GAK: variants seen among roughly 807,000 people sequenced by gnomAD.
GAK encodes cyclin G associated kinase.
In GAK, 79 loss-of-function variants were observed where a neutral mutation model predicts 143.9. The ratio of observed to expected loss-of-function variants is 0.55; its 90% CI spans 0.46 to 0.66. The LOEUF is 0.66. Among genes scored for constraint, GAK ranks in the 30% least tolerant of loss-of-function variants. The pLI is 0.00. For synonymous variants in GAK, 881 were observed against 765.5 expected, an observed-to-expected ratio of 1.15 and a Z score of -2.49; for missense variants, 1,693 against 1,779.7, an observed-to-expected ratio of 0.95 and a Z score of 0.88.
chr4:881,244 C>T (rs1035399617), intron 15 of GAK, among the ~76,000 whole-genome samples: 2 of 152,222 alleles, frequency 1.3e-5, no homozygotes, highest in Non-Finnish European at 2.9e-5. Context: ...GGGCCCTAAC[C>T]CTTGGGGCCT....
rs764464574 is a variant in GAK, at chr4:849,915, C to G, written c.3811G>C (p.Val1271Leu). The part of the protein sequence containing the change: ...EQVKKHYRRA[V>L]LAVHPDKAAG... ...ACCTTGTCGGGGTGCACAGCCAGCA[C>G]CGCGCGGCGATAGTGCTTCTTCACT... Residue 1271 changes from valine to leucine, a missense_variant, in exon 27 of 28, where the codon GTG becomes CTG. Val to Leu is a conservative substitution (Grantham distance 32, BLOSUM62 1). Coordinates refer to ENST00000314167, the MANE Select transcript of GAK (RefSeq NM_005255.4). The G allele has an allele frequency of 3.1e-6, 5 of 1,609,294 alleles. No individual in the cohort carries two copies. In the Admixed American group the frequency reaches 5.0e-5, roughly 16 times the overall value.
chr4:877,544 G>T, intron 16 of GAK, 71 bp downstream of exon 16: 1 of 1,467,136 alleles, frequency 6.8e-7, no homozygotes, highest in South Asian at 1.4e-5. Context: ...GCAAGGCCAG[G>T]GTTCCTCTTT....
intron 1 of GAK, among the ~76,000 whole-genome samples, chr4:918,703 A>G (rs1404898160): frequency 6.6e-6 from 1 of 152,272 alleles, no homozygotes; most frequent in South Asian, 2.1e-4. Context: ...GAGGAACTAA[A>G]ACTCCTCTCA....
intron 15 of GAK, among the ~76,000 whole-genome samples, chr4:879,179 AGCAATGACTAGTAC>A (rs1433243612): frequency 1.3e-5 from 2 of 152,148 alleles, no homozygotes; most frequent in Non-Finnish European, 2.9e-5. Context: ...CGGGTCATGT[AGCAATGACTAGTAC>A]GCTCTTCCCC....
At chr4:861,371 C>T (rs995635175) in intron 23 of GAK, among the ~76,000 whole-genome samples, 1 of 152,194 alleles carries the variant, frequency 6.6e-6, no homozygotes, top group Non-Finnish European at 1.5e-5. Flanking sequence ...AAGGAGGGTG[C>T]TTGAGCCCAG....
At chr4:893,746 T>C in intron 8 of GAK, 128 bp downstream of exon 8, 2 of 1,187,152 alleles carry the variant, frequency 1.7e-6, no homozygotes, top group African/African-American at 3.1e-5. Flanking sequence ...AGGGATGTTG[T>C]CAAAACTATG....
intron 23 of GAK, 84 bp from the exon 24 acceptor site, chr4:859,806 C>T (rs1020130695): frequency 1.5e-5 from 14 of 950,562 alleles, no homozygotes; most frequent in Middle Eastern, 2.3e-4. Context: ...CGCCTCCTTA[C>T]GACATGACAG....
chr4:905,459 CCGCCACGCCCCA>C (rs1720894623), intron 4 of GAK, among the ~76,000 whole-genome samples: 5 of 142,856 alleles, frequency 3.5e-5, no homozygotes, highest in Admixed American at 1.4e-4. Flanking sequence ...GCTAGGGGCT[CCGCCACGCCCCA>C]TGCCATGCTA....
intron 8 of GAK, 66 bp downstream of exon 8, chr4:893,808 C>T: frequency 6.7e-7 from 1 of 1,493,982 alleles, no homozygotes; most frequent in Non-Finnish European, 9.0e-7. Context: ...GGAGCGGGGT[C>T]TCCAGAGCCA....
intron 1 of GAK, among the ~76,000 whole-genome samples, chr4:930,936 C>T (rs974357677): frequency 1.3e-5 from 2 of 152,202 alleles, no homozygotes; most frequent in Non-Finnish European, 2.9e-5. Flanking sequence ...ACCCTCCAGC[C>T]CTGAGAGGTA....
At chr4:924,899 T>A (rs1258685798) in intron 1 of GAK, among the ~76,000 whole-genome samples, 1 of 150,600 alleles carries the variant, frequency 6.6e-6, no homozygotes, top group Non-Finnish European at 1.5e-5. Context: ...GGTGGTGGAG[T>A]TCCCCCAGGG....
Position 867,011 on chromosome 4 carries a change from G to A in GAK, c.2817C>T (p.Ser939=). Residue 939 remains serine, a synonymous_variant, in exon 21 of 28, where the codon AGC becomes AGT. Transcript: ENST00000314167. ...LLSEDPLLLA[S]PAPPLSVQST... is the part of the protein sequence containing the mutation. ...TCTGCACGCTCAGGGGAGGGGCCGG[G>A]CTTGCCAGGAGCAGCGGGTCCTCGC... 2 of 1,501,254 alleles carry A rather than the reference G, an allele frequency of 1.3e-6. No individual in the cohort carries two copies. The highest frequency in any genetic ancestry group is 1.4e-5 in the South Asian group (1 of 73,756). 93.0% of individuals were successfully genotyped at this position (1,501,254 alleles called of 1,614,324 possible).
rs552265772 is a variant in GAK, at chr4:883,322, T to C, written c.1397A>G (p.His466Arg). ...SPRTYRPSRF[H>R]NRVSECGWAA... is the part of the protein sequence containing the mutation. ...AAGCCTGTGGCCACACACCCGGTTG[T>C]GGAACCTGGAGGGCCGGTAGGTCCT... Residue 466 changes from histidine (H) to arginine (R), a missense_variant, in exon 13 of 28, where the codon CAC becomes CGC. Coordinates refer to ENST00000314167, the MANE Select transcript of GAK (RefSeq NM_005255.4). 1 of 1,613,260 alleles carries C rather than the reference T, an allele frequency of 6.2e-7. No individual in the cohort carries two copies. The highest frequency in any genetic ancestry group is 2.2e-5 in the East Asian group (1 of 44,862).
chr4:916,893 C>T (rs115906310), intron 1 of GAK, among the ~76,000 whole-genome samples: 6 of 152,368 alleles, frequency 3.9e-5, no homozygotes, highest in Non-Finnish European at 7.3e-5. Context: ...GACTTCTACA[C>T]AGCAGCTTCA....
At chr4:898,207 G>C (rs1719175556) in intron 5 of GAK, 49 bp from the exon 6 acceptor site, 4 of 1,603,704 alleles carry the variant, frequency 2.5e-6, no homozygotes, top group Non-Finnish European at 3.4e-6. Flanking sequence ...AGACAGAGAT[G>C]GGACTTCAGG....
chr4:865,025 G>A, intron 23 of GAK, 97 bp downstream of exon 23: 1 of 1,479,520 alleles, frequency 6.8e-7, no homozygotes. Context: ...TTCCTTCTCT[G>A]CGCAGAGAGG....
At position 854,670 on chromosome 4, in the gene GAK, C is replaced by T. The variant is rs533784913; in HGVS notation, c.3284-2696G>A. ...CACAGACGCGTCTGTCTGCCATCGCCGCAATGTTGATTTGTGGCTTCAGAG... is the reference window on the plus strand; with the variant it reads ...CACAGACGCGTCTGTCTGCCATCGCTGCAATGTTGATTTGTGGCTTCAGAG... On this transcript the variant is annotated intron_variant, in intron 24 of 27. Coordinates refer to ENST00000314167, the MANE Select transcript of GAK (RefSeq NM_005255.4). Among the ~76,000 whole-genome samples, 28 of 152,304 alleles carry T rather than the reference C, an allele frequency of 1.8e-4. No individual in the cohort carries two copies. The South Asian group carries it at 2.3e-3, about 12-fold the overall frequency.
chr4:924,923 T>C (rs1017567318), intron 1 of GAK, among the ~76,000 whole-genome samples: 4 of 151,168 alleles, frequency 2.6e-5, no homozygotes, highest in African/African-American at 9.8e-5. Context: ...GCTCTCAGGA[T>C]AGTGAGTGCT....
In GAK at chr4:907,348, T is replaced by C. The variant is rs375993125; in HGVS notation, c.383-2569A>G. Among the ~76,000 whole-genome samples the C allele has an allele frequency of 2.0e-3, 305 of 152,294 alleles. 13 individuals carry two copies. The South Asian group carries it at 0.059, about 30-fold the overall frequency. Reference sequence around the variant, plus strand: ...CACAGCTCCCTCAAAAGCTTTGTGCTGACCCTCTGAGAAACAGGGGGGCTC... The same window carrying C: ...CACAGCTCCCTCAAAAGCTTTGTGCCGACCCTCTGAGAAACAGGGGGGCTC... On this transcript the variant is annotated intron_variant, in intron 4 of 27. Transcript: ENST00000314167.
Sources: allele counts gnomAD v4.1 joint callset (sites outside exome capture counted in the v4.1 genomes callset), GRCh38; gene constraint gnomAD v4.1.1; transcripts MANE v1.5; gene names NCBI Gene and HGNC (gene_info 2026-07-23, HGNC 2026-07-21).